Variants in EIF4G3 observed in about 807,000 individuals in gnomAD.
The protein encoded by EIF4G3 is eukaryotic translation initiation factor 4 gamma 3.
Under a neutral mutation model 186.4 loss-of-function variants are expected in EIF4G3, and 34 were observed. The ratio of observed to expected loss-of-function variants is 0.18; its 90% CI spans 0.14 to 0.24. The LOEUF (loss-of-function observed/expected upper bound fraction) is 0.24, where lower values mean the gene tolerates loss of function less well. EIF4G3 is among the 10% of genes least tolerant of loss of function. The probability of loss-of-function intolerance (pLI) is 1.00; values close to 1 mark genes in which losing one functional copy is unlikely to be tolerated. For missense variants in EIF4G3, 1,536 were observed against 1,948.5 expected (o/e 0.79, Z 3.99); for synonymous variants, 673 against 679.5 (o/e 0.99, Z 0.15).
At chr1:21,137,251 C>A (rs1005247859) in intron 2 of EIF4G3, among the ~76,000 whole-genome samples, 1 of 151,748 alleles carries the variant, frequency 6.6e-6, no homozygotes, top group South Asian at 2.1e-4. Flanking sequence ...TAAAGTGATC[C>A]TCCTGCCTCA....
chr1:21,104,844 T>C (rs2096586533), intron 2 of EIF4G3, among the ~76,000 whole-genome samples: 6 of 151,766 alleles, frequency 4.0e-5, no homozygotes. Flanking sequence ...CTAAAGAAAA[T>C]GTGGTATATA....
chr1:20,975,045 T>C (rs2076581429), intron 10 of EIF4G3, among the ~76,000 whole-genome samples: 1 of 152,138 alleles, frequency 6.6e-6, no homozygotes, highest in Admixed American at 6.6e-5. Context: ...TGATTTGCAG[T>C]ACCAGAATTC....
intron 2 of EIF4G3, among the ~76,000 whole-genome samples, chr1:21,119,019 G>A (rs911084872): frequency 6.6e-6 from 1 of 150,700 alleles, no homozygotes; most frequent in African/African-American, 2.4e-5. Flanking sequence ...CTGCATTACT[G>A]GAAATTTTCT....
intron 4 of EIF4G3, among the ~76,000 whole-genome samples, chr1:21,018,315 C>T (rs2089786446): frequency 6.6e-6 from 1 of 152,068 alleles, no homozygotes; most frequent in Non-Finnish European, 1.5e-5. Flanking sequence ...GGCACAGTGG[C>T]TCATGCTTGT....
chr1:20,907,663 G>A (rs1046649066), intron 14 of EIF4G3, among the ~76,000 whole-genome samples: 14 of 151,860 alleles, frequency 9.2e-5, no homozygotes, highest in Middle Eastern at 6.8e-3. Flanking sequence ...TTGTCCTTGC[G>A]ATATTTTGCT....
At chr1:21,048,428 G>A (rs1188773360) in intron 4 of EIF4G3, among the ~76,000 whole-genome samples, 1 of 152,128 alleles carries the variant, frequency 6.6e-6, no homozygotes, top group East Asian at 1.9e-4. Context: ...AGGCTCTAGA[G>A]ATATGTAGAA....
chr1:20,813,343 C>A, intron 34 of EIF4G3, 104 bp from the exon 35 acceptor site: 2 of 554,134 alleles, frequency 3.6e-6, no homozygotes, highest in Non-Finnish European at 6.3e-6. Flanking sequence ...ACAGGAGGAT[C>A]ACTTGAGGCT....
chr1:20,935,422 A>C (rs2154561629), intron 14 of EIF4G3, among the ~76,000 whole-genome samples: 1 of 152,350 alleles, frequency 6.6e-6, no homozygotes, highest in African/African-American at 2.4e-5. Context: ...AAAATGAAGA[A>C]AAGAAATATA....
chr1:20,813,047 T>G, intron 35 of EIF4G3, 111 bp downstream of exon 35: 4 of 713,792 alleles, frequency 5.6e-6, no homozygotes, highest in Non-Finnish European at 7.1e-6. Flanking sequence ...CACAGAAAAG[T>G]GAGCTACATA....
intron 3 of EIF4G3, among the ~76,000 whole-genome samples, chr1:21,068,386 A>C (rs1007602955): frequency 6.7e-6 from 1 of 149,052 alleles, no homozygotes; most frequent in Admixed American, 6.7e-5. Flanking sequence ...AAAAAAAAAA[A>C]AAAAAAAAAA....
intron 20 of EIF4G3, among the ~76,000 whole-genome samples, chr1:20,868,092 T>TTTTTTTTC (rs1240980645): frequency 7.3e-6 from 1 of 136,850 alleles, no homozygotes; most frequent in Non-Finnish European, 1.6e-5. Flanking sequence ...GTGATTTTCT[T>TTTTTTTTC]TTTTTTTTTT....
At chr1:20,987,596 A>C (rs1050307672) in intron 7 of EIF4G3, among the ~76,000 whole-genome samples, 1 of 152,088 alleles carries the variant, frequency 6.6e-6, no homozygotes, top group Non-Finnish European at 1.5e-5. Context: ...TTATGTTATC[A>C]TTGTAACTGG....
chr1:20,946,356 C>T (rs1307624367), intron 13 of EIF4G3, among the ~76,000 whole-genome samples: 1 of 152,188 alleles, frequency 6.6e-6, no homozygotes, highest in Non-Finnish European at 1.5e-5. Flanking sequence ...TTCTTTCTCA[C>T]TCAGTAAATA....
At chr1:20,850,759 A>T (rs1306586360) in intron 28 of EIF4G3, among the ~76,000 whole-genome samples, 1 of 152,240 alleles carries the variant, frequency 6.6e-6, no homozygotes, top group African/African-American at 2.4e-5. Flanking sequence ...TAAATACATG[A>T]AGCAATTTTT....
intron 29 of EIF4G3, among the ~76,000 whole-genome samples, chr1:20,844,072 T>C (rs2069762722): frequency 6.6e-6 from 1 of 152,200 alleles, no homozygotes; most frequent in Non-Finnish European, 1.5e-5. Flanking sequence ...GGCATTTAGG[T>C]TGATTGCATG....
intron 34 of EIF4G3, among the ~76,000 whole-genome samples, chr1:20,816,323 CGG>C (rs1295212386): frequency 0.034 from 25 of 738 alleles, no homozygotes; most frequent in Admixed American, 0.054. Context: ...GGGAGGGAGG[CGG>C]GGGGGGGGGG....
At chr1:21,159,431 TAA>T (rs71014164) in intron 2 of EIF4G3, among the ~76,000 whole-genome samples, 21 of 122,418 alleles carry the variant, frequency 1.7e-4, no homozygotes, top group Admixed American at 3.4e-4. Flanking sequence ...AGCAAGGGTT[TAA>T]AAAAAAAAAA....
intron 4 of EIF4G3, chr1:21,003,734 C>A: frequency 2.3e-6 from 1 of 440,472 alleles, no homozygotes; most frequent in South Asian, 1.7e-5. Context: ...ACTTGTTTAA[C>A]CTGCCTGTGA....
At chr1:20,915,201 A>G (rs2154558823) in intron 14 of EIF4G3, among the ~76,000 whole-genome samples, 1 of 152,328 alleles carries the variant, frequency 6.6e-6, no homozygotes, top group South Asian at 2.1e-4. Context: ...AGATATCATC[A>G]GGTCTGTGAC....
Sources: allele counts gnomAD v4.1 joint callset (sites outside exome capture counted in the v4.1 genomes callset), GRCh38; gene constraint gnomAD v4.1.1; transcripts MANE v1.5; gene names NCBI Gene and HGNC (gene_info 2026-07-23, HGNC 2026-07-21).